MEG3: variants seen among roughly 807,000 people sequenced by gnomAD.
MEG3 encodes the protein maternally expressed 3.
At chr14:100,852,412 A>C, upstream of MEG3, 1 of 534,498 alleles carries the variant, frequency 1.9e-6, no homozygotes, top group Admixed American at 1.9e-5. Context: ...CCGAGCCTCC[A>C]GTACCACGTG....
At position 100,837,149 on chromosome 14, in the gene MEG3, C is replaced by T. The variant is rs893082266; in HGVS notation, n.3045+849C>T. Among the ~76,000 whole-genome samples, 6 of 152,126 alleles carry T rather than the reference C, an allele frequency of 3.9e-5. No individual in the cohort carries two copies. The highest frequency in any genetic ancestry group is 8.8e-5 in the Non-Finnish European group (6 of 68,026). On this transcript the variant is annotated intron_variant and non_coding_transcript_variant, in intron 2 of 3. Transcript: ENST00000398461. This position sits in a 1 kb window ranked among gnomAD's most constrained non-coding sequence, Gnocchi z 5.8. ...CAAGGTGGCTTGCACAGCAGCCAGGCGAGGTGTCGTCGAGGGCGGGGGCTC... is the reference window on the plus strand; with the variant it reads ...CAAGGTGGCTTGCACAGCAGCCAGGTGAGGTGTCGTCGAGGGCGGGGGCTC...
chr14:100,832,317 A>C (rs1039200040), downstream of MEG3: 1 of 152,124 alleles, frequency 6.6e-6, no homozygotes, highest in Non-Finnish European at 1.5e-5. Flanking sequence ...CATCGAGTTT[A>C]ACCTCTTTAC....
chr14:100,828,190 G>A (rs1434345110), intron 1 of MEG3, among the ~76,000 whole-genome samples: 1 of 152,040 alleles, frequency 6.6e-6, no homozygotes, highest in Non-Finnish European at 1.5e-5. Context: ...CCGGGGCGCC[G>A]CAGGTGGCTG....
chr14:100,836,708 G>A (rs556263024), intron 2 of MEG3, among the ~76,000 whole-genome samples: 2 of 152,150 alleles, frequency 1.3e-5, no homozygotes, highest in Non-Finnish European at 2.9e-5. Flanking sequence ...GGAGGAAATG[G>A]GAATGCTTGC....
downstream of MEG3, chr14:100,833,298 C>T (rs144597013): frequency 2.4e-4 from 36 of 152,386 alleles, no homozygotes; most frequent in Middle Eastern, 3.4e-3. Context: ...CTCGCTCTGT[C>T]GCCCAGGCTG....
intron 2 of MEG3, among the ~76,000 whole-genome samples, chr14:100,844,545 C>T (rs1222721828): frequency 6.6e-6 from 1 of 152,142 alleles, no homozygotes; most frequent in East Asian, 1.9e-4. Context: ...AGATCCCGTC[C>T]CCACCATCTC....
intron 2 of MEG3, among the ~76,000 whole-genome samples, chr14:100,844,760 G>A (rs985244449): frequency 6.0e-4 from 92 of 152,072 alleles, no homozygotes; most frequent in African/African-American, 2.1e-3. Flanking sequence ...TTAACATTTT[G>A]GGAGTATTCT....
exon 1 of MEG3, chr14:100,858,800 T>C (rs1232301059): frequency 6.5e-6 from 1 of 152,804 alleles, no homozygotes; most frequent in African/African-American, 2.4e-5. Flanking sequence ...CTTGAGAACT[T>C]GGAAGCAGAG....
At chr14:100,839,360 C>T (rs138691249) in intron 2 of MEG3, among the ~76,000 whole-genome samples, 42 of 152,174 alleles carry the variant, frequency 2.8e-4, no homozygotes, top group African/African-American at 1.0e-3. Context: ...TTCTCTGAGC[C>T]CTGTCCCCTC....
At chr14:100,860,420 G>T in intron 1 of MEG3, 1 of 335,650 alleles carries the variant, frequency 3.0e-6, no homozygotes. Context: ...GTTGTAGGTG[G>T]GCGTCAGGAC....
chr14:100,844,775 T>G (rs2037864600), intron 2 of MEG3, among the ~76,000 whole-genome samples: 1 of 152,150 alleles, frequency 6.6e-6, no homozygotes, highest in Non-Finnish European at 1.5e-5. Context: ...TATTCTGAAC[T>G]ATGTTTGGCC....
chr14:100,843,315 G>A (rs2037814385), intron 2 of MEG3, among the ~76,000 whole-genome samples: 1 of 152,102 alleles, frequency 6.6e-6, no homozygotes, highest in Non-Finnish European at 1.5e-5. Flanking sequence ...CTTTGGTCGC[G>A]CTGTGTGTTC....
In MEG3 at chr14:100,860,491, C is replaced by T. The variant is rs114244782; in HGVS notation, n.3112+135C>T. The T allele has an allele frequency of 8.0e-6, 3 of 374,940 alleles. No homozygotes were observed. The East Asian group carries it at 2.2e-4, about 27-fold the overall frequency. 23.2% of individuals were successfully genotyped at this position (374,940 alleles called of 1,614,324 possible). On this transcript the variant is annotated intron_variant and non_coding_transcript_variant, in intron 1 of 1. Transcript: ENST00000398460. ...CGAGTCTAAGGTAGGGCAGGGTACGCCAGAAGTTGAGGGGCACTAGGTAGA... is the reference window on the plus strand; with the variant it reads ...CGAGTCTAAGGTAGGGCAGGGTACGTCAGAAGTTGAGGGGCACTAGGTAGA...
At chr14:100,834,515 T>C (rs1289448008) in exon 1 of MEG3, 2 of 346,328 alleles carry the variant, frequency 5.8e-6, no homozygotes, top group South Asian at 2.3e-5. Flanking sequence ...CGTTGCTCCC[T>C]TGAGTGTAGG....
intron 3 of MEG3, chr14:100,847,468 A>G (rs2037950446): frequency 6.6e-6 from 1 of 152,246 alleles, no homozygotes; most frequent in Admixed American, 6.5e-5. Flanking sequence ...ATAGGAAACA[A>G]TGTAACAAAT....
chr14:100,827,869 G>A (rs1048125166), intron 1 of MEG3, among the ~76,000 whole-genome samples: 2 of 152,218 alleles, frequency 1.3e-5, no homozygotes, highest in African/African-American at 2.4e-5. Flanking sequence ...TTGGATTGAC[G>A]AAGGTGGGAG....
At chr14:100,844,661 G>T (rs757056828) in intron 2 of MEG3, among the ~76,000 whole-genome samples, 93 of 152,182 alleles carry the variant, frequency 6.1e-4, no homozygotes, top group South Asian at 1.2e-3. Context: ...CATCATTAGG[G>T]CTCACTCTTT....
chr14:100,830,534 T>C (rs1349634839), downstream of MEG3: 3 of 152,144 alleles, frequency 2.0e-5, no homozygotes, highest in African/African-American at 7.2e-5. Context: ...AATTCTCCCT[T>C]AGTGAGAACA....
intron 2 of MEG3, among the ~76,000 whole-genome samples, chr14:100,842,041 A>G (rs896593206): frequency 6.6e-6 from 1 of 152,182 alleles, no homozygotes; most frequent in Non-Finnish European, 1.5e-5. Flanking sequence ...AGCTTTGCCA[A>G]CATTCCCAGC....
Sources: gnomAD v4.1 joint callset for allele counts (sites outside exome capture counted in the v4.1 genomes callset) on GRCh38, gnomAD v4.1.1 for gene constraint, Gnocchi (gnomAD v3.1) non-coding constraint, MANE v1.5 for transcripts, NCBI Gene and HGNC (gene_info 2026-07-23, HGNC 2026-07-21) for gene names.